The following JMJD6 variants were observed in gnomAD, a reference collection of about 807,000 sequenced individuals.
JMJD6 encodes jumonji domain containing 6, arginine demethylase and lysine hydroxylase, also known as bifunctional arginine demethylase and lysyl-hydroxylase JMJD6.
In JMJD6, 17 loss-of-function variants were observed where a neutral mutation model predicts 45.8. That is an observed-to-expected ratio of 0.37 (90% CI 0.25 to 0.56). The LOEUF (loss-of-function observed/expected upper bound fraction) is 0.56. Among genes scored for constraint, JMJD6 ranks in the 20% least tolerant of loss-of-function variants. The pLI is 0.79. For missense variants in JMJD6, 470 were observed against 517.5 expected (o/e 0.91, Z 0.89); for synonymous variants, 221 against 196.3 (o/e 1.13, Z -1.05).
At chr17:76,725,437 T>C in intron 2 of JMJD6, 30 bp downstream of exon 2, 1 of 1,476,392 alleles carries the variant, frequency 6.8e-7, no homozygotes, top group Non-Finnish European at 9.1e-7. Context: ...AAGAAAAGGA[T>C]TTTAACCACT....
rs760776909 is a variant in JMJD6, at chr17:76,723,876, G to A, written c.701C>T (p.Thr234Ile). Reference sequence around the variant, plus strand: ...CCGGGGATAAATAACATTAAACCAGGTAATAGCTTCGTCTTGCTGGTTCCC... The same window carrying A: ...CCGGGGATAAATAACATTAAACCAGATAATAGCTTCGTCTTGCTGGTTCCC... The part of the protein sequence containing the change: ...EGGNQQDEAI[T>I]WFNVIYPRTQ... The change falls in exon 3 of 6, where the codon ACC becomes ATC. Residue 234 changes from threonine to isoleucine, a missense_variant. This residue lies in a region of JMJD6 where 346 missense variants were observed against 339.5 expected (regional missense o/e 1.02). Coordinates refer to ENST00000397625, the MANE Select transcript of JMJD6 (RefSeq NM_015167.3). 1 of 1,614,156 alleles carries A rather than the reference G, an allele frequency of 6.2e-7. No homozygotes were observed. Among genetic ancestry groups the A allele is most frequent in the African/African-American group, 1.3e-5 (1 of 75,028 alleles).
rs2076907015 is a variant in JMJD6 at position 76,725,540 on chromosome 17, C to G, written c.445G>C (p.Asp149His). 1 of 1,613,970 alleles carries G rather than the reference C, an allele frequency of 6.2e-7. No homozygotes were observed. ...EHPKRRKLLE[D>H]YKVPKFFTDD... ...GTGAAAAACTTTGGCACCTTGTAGT[C>G]TTCCAAAAGTTTCCTTCTTTTAGGG... Residue 149 changes from aspartate to histidine, a missense_variant, in exon 2 of 6, where the codon GAC becomes CAC. Coordinates refer to ENST00000397625, the MANE Select transcript of JMJD6 (RefSeq NM_015167.3).
chr17:76,722,777 A>C (rs1206209714), intron 3 of JMJD6, among the ~76,000 whole-genome samples: 4 of 119,650 alleles, frequency 3.3e-5, no homozygotes, highest in African/African-American at 1.3e-4. Context: ...ACCTGGGAGG[A>C]GGAGGTTGTA....
At chr17:76,714,861 C>G (rs1039725191), downstream of JMJD6, 9 of 152,220 alleles carry the variant, frequency 5.9e-5, no homozygotes, top group African/African-American at 2.2e-4. Context: ...GTTGCCCAGA[C>G]TGGTCTTGAA....
At chr17:76,716,966 T>C (rs913051220), downstream of JMJD6, among the ~76,000 whole-genome samples, 2 of 152,132 alleles carry the variant, frequency 1.3e-5, no homozygotes, top group Admixed American at 1.3e-4. Flanking sequence ...TGAAAGGACA[T>C]CGAGGGTTGA....
intron 1 of JMJD6, among the ~76,000 whole-genome samples, chr17:76,726,106 T>C (rs985550734): frequency 6.6e-6 from 1 of 152,136 alleles, no homozygotes; most frequent in Admixed American, 6.5e-5. Context: ...GCCTTCTAGT[T>C]GAGAGCGCCA....
At position 76,718,864 on chromosome 17, in the gene JMJD6, G is replaced by C; in HGVS notation, c.1081-4C>G. 2 of 1,610,760 alleles carry C rather than the reference G, an allele frequency of 1.2e-6. No homozygotes were observed. Among genetic ancestry groups the C allele is most frequent in the Non-Finnish European group, 8.5e-7 (1 of 1,178,796 alleles). On this transcript the variant is annotated splice_polypyrimidine_tract_variant and splice_region_variant and intron_variant, in intron 5 of 5. Transcript: ENST00000397625. ...CGCCCTCGGATCCAGACTCGCACTG[G>C]ACACAGGAGGACAGAAAACAAGGAG...
At chr17:76,714,453 C>G (rs1050272065), downstream of JMJD6, 13 of 152,266 alleles carry the variant, frequency 8.5e-5, no homozygotes, top group African/African-American at 3.1e-4. Context: ...AACTTCTGAA[C>G]AAGTGGTCTC....
Position 76,726,567 on chromosome 17 carries a change from G to C in JMJD6, c.-92C>G, listed in dbSNP as rs371235798. ...CCTCCCCGGCCTGGGCGGCGGCGAC[G>C]GCAGTACCCAAACGCCCTTCGCTCA... On this transcript the variant is annotated 5_prime_UTR_variant, in exon 1 of 6. Coordinates refer to ENST00000397625, the MANE Select transcript of JMJD6 (RefSeq NM_015167.3). 134 of 1,464,938 alleles carry C rather than the reference G, an allele frequency of 9.1e-5. 1 individual carries two copies. The East Asian group carries it at 1.7e-3, about 19-fold the overall frequency. The allele number at this position is 1,464,938 out of a possible 1,614,324, so 90.7% of individuals were successfully genotyped here.
rs1220243219 is a variant in JMJD6 at position 76,724,003 on chromosome 17, C to T, written c.574G>A (p.Gly192Arg). The T allele has an allele frequency of 1.9e-6, 3 of 1,614,110 alleles. No individual in the cohort carries two copies. The highest frequency in any genetic ancestry group is 2.5e-6 in the Non-Finnish European group (3 of 1,180,018). Residue 192 changes from glycine (G) to arginine (R), a missense_variant, in exon 3 of 6, where the codon GGA becomes AGA. Around this residue, in one of 4 missense-constraint regions of JMJD6, gnomAD observed 346 missense variants for 339.5 expected, o/e 1.02. Coordinates refer to ENST00000397625, the MANE Select transcript of JMJD6 (RefSeq NM_015167.3). The part of the protein sequence containing the change: ...SGTGIHIDPL[G>R]TSAWNALVQG... The stretch of plus-strand genomic sequence containing the variant: ...ACTAAGGCATTCCAGGCACTGGTTC[C>T]CAGAGGGTCGATGTGAATCCCAGTT...
downstream of JMJD6, chr17:76,713,796 C>G (rs1456418738): frequency 6.6e-6 from 1 of 152,222 alleles, no homozygotes; most frequent in Non-Finnish European, 1.5e-5. Flanking sequence ...TATGAAGAAG[C>G]TGTTACTACC....
intron 3 of JMJD6, 35 bp downstream of exon 3, chr17:76,723,737 G>C (rs201553383): frequency 1.2e-6 from 2 of 1,601,824 alleles, no homozygotes; most frequent in Non-Finnish European, 1.7e-6. Context: ...CACCGCGCCC[G>C]GCAAAGAATG....
At position 76,725,611 on chromosome 17, in the gene JMJD6, C is replaced by T; in HGVS notation, c.374G>A (p.Arg125Gln). 1.2e-6 allele frequency: 2 copies of T among 1,614,050 alleles called. No individual in the cohort carries two copies. The highest frequency in any genetic ancestry group is 1.7e-6 in the Non-Finnish European group (2 of 1,180,010). ...AAAGATGTAAAGGGGACTATCATCT[C>T]GAGTGCTCTCCATGTACTCGATGTA... ...KYYIEYMEST[R>Q]DDSPLYIFDS... The change falls in exon 2 of 6, where the codon CGA (arginine) becomes CAA (glutamine). Residue 125 changes from arginine to glutamine, a missense_variant. This residue lies in a region of JMJD6 where 346 missense variants were observed against 339.5 expected (regional missense o/e 1.02). Coordinates refer to ENST00000397625, the MANE Select transcript of JMJD6 (RefSeq NM_015167.3).
At chr17:76,720,681 G>T in intron 4 of JMJD6, 183 bp from the exon 5 acceptor site, 1 of 511,802 alleles carries the variant, frequency 2.0e-6, no homozygotes, top group Non-Finnish European at 3.5e-6. Context: ...AACCCAATAC[G>T]GTGCCCATGT....
chr17:76,726,581 G>C lies in JMJD6; in HGVS notation c.-106C>G, dbSNP rs1439073224. On this transcript the variant is annotated 5_prime_UTR_variant, in exon 1 of 6. Coordinates refer to ENST00000397625, the MANE Select transcript of JMJD6 (RefSeq NM_015167.3). ...GCGGCGGCGACGGCAGTACCCAAAC[G>C]CCCTTCGCTCAGTCCCGGCGCCTTT... The C allele has an allele frequency of 1.1e-5, 16 of 1,419,452 alleles. No individual in the cohort carries two copies. Among genetic ancestry groups the C allele is most frequent in the African/African-American group, 1.5e-5 (1 of 67,428 alleles). 87.9% of individuals were successfully genotyped at this position (1,419,452 alleles called of 1,614,324 possible).
At position 76,718,858 on chromosome 17, in the gene JMJD6, G is replaced by A. The variant is rs192248986; in HGVS notation, c.1083C>T (p.Cys361=). The change falls in exon 6 of 6, where the codon TGC becomes TGT. Residue 361 remains cysteine, a splice_region_variant and synonymous_variant. Transcript: ENST00000397625. ...SSSSSDSDSE[C]ESGSEGDGTV... ...TCCCATCGCCCTCGGATCCAGACTC[G>A]CACTGGACACAGGAGGACAGAAAAC... 8.1e-6 allele frequency: 13 copies of A among 1,613,346 alleles called. No individual in the cohort carries two copies. The highest frequency in any genetic ancestry group is 2.2e-5 in the East Asian group (1 of 44,838).
downstream of JMJD6, among the ~76,000 whole-genome samples, chr17:76,717,069 G>A (rs887817297): frequency 1.3e-5 from 2 of 152,102 alleles, no homozygotes; most frequent in African/African-American, 4.8e-5. Flanking sequence ...TGGAGGCCAC[G>A]CGATAGGAGG....
At chr17:76,722,200 G>A (rs936078444) in intron 3 of JMJD6, among the ~76,000 whole-genome samples, 11 of 152,122 alleles carry the variant, frequency 7.2e-5, no homozygotes, top group African/African-American at 2.4e-4. Context: ...GTGACAGTCT[G>A]GCTTACCTAA....
At chr17:76,719,383 G>C (rs557404489) in intron 5 of JMJD6, among the ~76,000 whole-genome samples, 2 of 152,182 alleles carry the variant, frequency 1.3e-5, no homozygotes, top group Admixed American at 1.3e-4. Context: ...TCGCCTCCTG[G>C]GTTCAAGTGA....
Sources: gnomAD v4.1 joint callset for allele counts (sites outside exome capture counted in the v4.1 genomes callset) on GRCh38, gnomAD v4.1.1 for gene constraint, gnomAD v4.1.1 regional missense constraint, MANE v1.5 for transcripts, NCBI Gene and HGNC (gene_info 2026-07-23, HGNC 2026-07-21) for gene names.